CHST11: variants seen among roughly 807,000 people sequenced by gnomAD.
CHST11 encodes the protein C4S-1.
In CHST11, 9 loss-of-function variants were observed where a neutral mutation model predicts 30.4. The observed-to-expected ratio is 0.30, with a 90% confidence interval of 0.18 to 0.52. The LOEUF (loss-of-function observed/expected upper bound fraction) is 0.52, where lower values mean the gene tolerates loss of function less well. Among genes scored for constraint, CHST11 ranks in the 20% least tolerant of loss-of-function variants. The pLI is 0.97. For synonymous variants in CHST11, 152 were observed against 187.8 expected (o/e 0.81, Z 1.56); for missense variants, 348 against 460.6 (o/e 0.76, Z 2.24).
intron 1 of CHST11, among the ~76,000 whole-genome samples, chr12:104,583,903 G>C (rs561778896): frequency 3.0e-4 from 46 of 152,244 alleles, no homozygotes; most frequent in African/African-American, 1.1e-3. Context: ...AGTAGAGATG[G>C]GGTTTCACCA....
chr12:104,741,537 A>G (rs1023269699), intron 2 of CHST11, among the ~76,000 whole-genome samples: 1 of 152,178 alleles, frequency 6.6e-6, no homozygotes, highest in Non-Finnish European at 1.5e-5. Context: ...AATTCCATGA[A>G]TCCTTTACAG....
At chr12:104,528,513 G>A (rs1450151488) in intron 1 of CHST11, among the ~76,000 whole-genome samples, 1 of 152,168 alleles carries the variant, frequency 6.6e-6, no homozygotes, top group Admixed American at 6.5e-5. Context: ...CTGTTCAGTA[G>A]AACCATCATG....
At chr12:104,660,491 A>G (rs1197885897) in intron 2 of CHST11, among the ~76,000 whole-genome samples, 1 of 152,218 alleles carries the variant, frequency 6.6e-6, no homozygotes, top group Non-Finnish European at 1.5e-5. Context: ...AGAGAAACCA[A>G]CTTTGTATGG....
intron 1 of CHST11, among the ~76,000 whole-genome samples, chr12:104,533,243 A>G (rs2038203674): frequency 6.6e-6 from 1 of 152,206 alleles, no homozygotes; most frequent in African/African-American, 2.4e-5. Context: ...ATCCCTTTGG[A>G]TTCCTGACCA....
At position 104,458,134 on chromosome 12, in the gene CHST11, G is replaced by A. The variant is rs2037373228; in HGVS notation, c.118+605G>A. Reference sequence around the variant, plus strand: ...CTGAGCAGGTGTGGAGAGTGGTCGGGTGCCCAGCGTTGCCCCTCCACCACG... The same window carrying A: ...CTGAGCAGGTGTGGAGAGTGGTCGGATGCCCAGCGTTGCCCCTCCACCACG... On this transcript the variant is annotated intron_variant, in intron 1 of 2. Transcript: ENST00000303694. The surrounding 1 kb of genome is among the most constrained non-coding windows in gnomAD (Gnocchi z 5.7). 1.3e-5 allele frequency among the ~76,000 whole-genome samples: 2 copies of A among 152,028 alleles called. No homozygotes were observed. The highest frequency in any genetic ancestry group is 4.1e-4 in the South Asian group (2 of 4,826).
At position 104,761,502 on chromosome 12, in the gene CHST11, A is replaced by ACACACACACACACACACACACACACAC. The variant is rs2040526125; in HGVS notation, c.*3699_*3700insCACACACACACACACACACACACACAC. 1.0e-5 allele frequency: 1 copy of ACACACACACACACACACACACACACAC among 96,202 alleles called. No individual in the cohort carries two copies. Among genetic ancestry groups the ACACACACACACACACACACACACACAC allele is most frequent in the African/African-American group, 6.6e-5 (1 of 15,094 alleles). 6.0% of individuals were successfully genotyped at this position (96,202 alleles called of 1,614,324 possible). ...ACACACACACACACACACACACACAATCTCAGCTGCGCCATTCTGTGCAAT... is the reference window on the plus strand; with the variant it reads ...ACACACACACACACACACACACACAACACACACACACACACACACACACACACTCTCAGCTGCGCCATTCTGTGCAAT... On this transcript the variant is annotated 3_prime_UTR_variant, in exon 3 of 3. Transcript: ENST00000303694.
At position 104,586,566 on chromosome 12, in the gene CHST11, G is replaced by A. The variant is rs143962228; in HGVS notation, c.119-15340G>A. 3.1e-3 allele frequency among the ~76,000 whole-genome samples: 467 copies of A among 152,366 alleles called. 2 individuals are homozygous for A. The highest frequency in any genetic ancestry group is 0.01 in the African/African-American group (431 of 41,574). On this transcript the variant is annotated intron_variant, in intron 1 of 2. Transcript: ENST00000303694. ...ACTATTTCCTTTCTCCAGCAGCTAC[G>A]TTACTCTGTCTCTGAAGCCATGGGG...
chr12:104,750,297 G>A (rs557249626), intron 2 of CHST11, among the ~76,000 whole-genome samples: 11 of 152,078 alleles, frequency 7.2e-5, no homozygotes, highest in African/African-American at 2.7e-4. Flanking sequence ...ACAGCAGTGA[G>A]CAAGCATCTG....
chr12:104,732,279 A>G (rs2040264385), intron 2 of CHST11, among the ~76,000 whole-genome samples: 1 of 152,116 alleles, frequency 6.6e-6, no homozygotes, highest in Non-Finnish European at 1.5e-5. Context: ...AGACCCCAGC[A>G]AGGCTTCTCC....
chr12:104,749,023 AG>A (rs1449261044), intron 2 of CHST11, among the ~76,000 whole-genome samples: 3 of 152,230 alleles, frequency 2.0e-5, no homozygotes, highest in Non-Finnish European at 4.4e-5. Flanking sequence ...ACTTTCTTTT[AG>A]TAGGCTCTGC....
chr12:104,505,708 A>G (rs1425316296), intron 1 of CHST11, among the ~76,000 whole-genome samples: 2 of 152,218 alleles, frequency 1.3e-5, no homozygotes, highest in Non-Finnish European at 2.9e-5. Context: ...ATTAGATAAT[A>G]TGTGTAAAGA....
intron 2 of CHST11, among the ~76,000 whole-genome samples, chr12:104,669,395 G>C (rs2694406): frequency 0.62 from 94,055 of 152,070 alleles, 29,935 homozygotes; most frequent in African/African-American, 0.77. Context: ...CATTCCCCCT[G>C]CAGCTCTCAG....
At chr12:104,743,769 T>C (rs1010220022) in intron 2 of CHST11, among the ~76,000 whole-genome samples, 4 of 152,086 alleles carry the variant, frequency 2.6e-5, no homozygotes, top group African/African-American at 9.7e-5. Context: ...TCCTCCCACC[T>C]TCCACCCTCC....
At chr12:104,599,409 G>A (rs1290633828) in intron 1 of CHST11, among the ~76,000 whole-genome samples, 2 of 152,250 alleles carry the variant, frequency 1.3e-5, no homozygotes, top group Admixed American at 6.5e-5. Flanking sequence ...CCGCCATAGG[G>A]AGAATTTAAT....
chr12:104,499,317 C>A (rs898919646), intron 1 of CHST11, among the ~76,000 whole-genome samples: 4 of 152,142 alleles, frequency 2.6e-5, no homozygotes, highest in African/African-American at 9.7e-5. Flanking sequence ...CTGTGACCAG[C>A]CAGTGGGGCC....
In CHST11 at chr12:104,757,317, G is replaced by T; in HGVS notation, c.573G>T (p.Arg191Ser). The T allele has an allele frequency of 6.2e-7, 1 of 1,614,022 alleles. No individual in the cohort carries two copies. Among genetic ancestry groups the T allele is most frequent in the Non-Finnish European group, 8.5e-7 (1 of 1,180,008 alleles). The change falls in exon 3 of 3, where the codon AGG becomes AGT. Residue 191 changes from arginine to serine, a missense_variant. This residue lies in a region of CHST11 where 210 missense variants were observed against 287.2 expected (regional missense o/e 0.73). Transcript: ENST00000303694. The surrounding 1 kb of genome is among the most constrained non-coding windows in gnomAD (Gnocchi z 6.5). ...KFLFVREPFE[R>S]LVSAYRNKFT... ...TGTTTGTCCGGGAGCCCTTCGAGAG[G>T]CTAGTGTCCGCCTACCGCAACAAGT...
intron 2 of CHST11, among the ~76,000 whole-genome samples, chr12:104,646,454 C>T (rs532404062): frequency 1.2e-4 from 19 of 152,262 alleles, no homozygotes; most frequent in African/African-American, 4.3e-4. Flanking sequence ...TTATTTCTGG[C>T]CGGGTGCAGT....
intron 1 of CHST11, among the ~76,000 whole-genome samples, chr12:104,535,876 T>C (rs1022245108): frequency 2.0e-5 from 3 of 152,218 alleles, no homozygotes; most frequent in Non-Finnish European, 4.4e-5. Flanking sequence ...TTCAATGTGA[T>C]AAAAAGCAGA....
At chr12:104,476,075 G>A in intron 1 of CHST11, among the ~76,000 whole-genome samples, 1 of 139,824 alleles carries the variant, frequency 7.2e-6, no homozygotes, top group Admixed American at 7.4e-5. Flanking sequence ...CATATATGTA[G>A]TTATATATGT....
Sources: gnomAD v4.1 joint callset for allele counts (sites outside exome capture counted in the v4.1 genomes callset) on GRCh38, gnomAD v4.1.1 for gene constraint, gnomAD v4.1.1 regional missense constraint, Gnocchi (gnomAD v3.1) non-coding constraint, MANE v1.5 for transcripts, NCBI Gene and HGNC (gene_info 2026-07-23, HGNC 2026-07-21) for gene names.